The following JMJD1C variants were observed in gnomAD, a reference collection of about 807,000 sequenced individuals.
The protein encoded by JMJD1C is jumonji domain-containing protein 1C.
Under a neutral mutation model 245.3 loss-of-function variants are expected in JMJD1C, and 31 were observed. That is an observed-to-expected ratio of 0.13 (90% CI 0.09 to 0.17). JMJD1C has a LOEUF of 0.17. Ranked by LOEUF, JMJD1C falls within the 10% of genes least tolerant of loss-of-function variation. The pLI, the probability that JMJD1C is intolerant of heterozygous loss-of-function variation, is 1.00. For missense variants in JMJD1C, 2,691 were observed against 3,000.2 expected, an observed-to-expected ratio of 0.90 and a Z score of 2.41; for synonymous variants, 1,057 against 1,017.4, an observed-to-expected ratio of 1.04 and a Z score of -0.74.
At chr10:63,364,236 T>G (rs1025791262) in intron 2 of JMJD1C, among the ~76,000 whole-genome samples, 1 of 152,152 alleles carries the variant, frequency 6.6e-6, no homozygotes, top group Non-Finnish European at 1.5e-5. Flanking sequence ...CTTCAACTTC[T>G]GGGCTCAAGC....
intron 1 of JMJD1C, among the ~76,000 whole-genome samples, chr10:63,498,604 C>A (rs1294880675): frequency 6.6e-6 from 1 of 152,028 alleles, no homozygotes; most frequent in Non-Finnish European, 1.5e-5. Flanking sequence ...CGACCCTACA[C>A]CCCCTACCAA....
At chr10:63,335,465 A>G (rs1293437313) in intron 2 of JMJD1C, among the ~76,000 whole-genome samples, 1 of 152,198 alleles carries the variant, frequency 6.6e-6, no homozygotes, top group Non-Finnish European at 1.5e-5. Context: ...AATTCCCCTT[A>G]AAAGTTGGCA....
At chr10:63,305,459 CCTCT>C (rs371564275) in intron 2 of JMJD1C, among the ~76,000 whole-genome samples, 5,492 of 112,934 alleles carry the variant, frequency 0.049, 400 homozygotes, top group African/African-American at 0.15. Context: ...ACGCTCTGAC[CCTCT>C]CTCTCTCTCT....
rs1164500811 is a variant in JMJD1C, at chr10:63,397,376, G to A, written c.169-16894C>T. ...TTACAGGCATGTGCCACCACACCCGGCTTATTTTGTATTTTCAGTAGAGAC... is the reference window on the plus strand; with the variant it reads ...TTACAGGCATGTGCCACCACACCCGACTTATTTTGTATTTTCAGTAGAGAC... On this transcript the variant is annotated intron_variant, in intron 1 of 25. Coordinates refer to ENST00000399262, the MANE Select transcript of JMJD1C (RefSeq NM_032776.3). Among the ~76,000 whole-genome samples, 5 of 151,992 alleles carry A rather than the reference G, an allele frequency of 3.3e-5. No homozygotes were observed. The East Asian group carries it at 9.7e-4, about 29-fold the overall frequency.
intron 2 of JMJD1C, chr10:63,301,892 A>G (rs1478719790): frequency 7.3e-5 from 22 of 300,576 alleles, no homozygotes; most frequent in Non-Finnish European, 1.4e-4. Flanking sequence ...TCTGTCCTAC[A>G]CTTTAAAAAA....
chr10:63,492,422 T>C (rs1009004308), intron 1 of JMJD1C, among the ~76,000 whole-genome samples: 10 of 152,206 alleles, frequency 6.6e-5, no homozygotes, highest in African/African-American at 1.7e-4. Flanking sequence ...TCCCAGCACT[T>C]TGGGAGGCCA....
At chr10:63,187,591 C>A (rs532892887) in intron 18 of JMJD1C, among the ~76,000 whole-genome samples, 1 of 152,172 alleles carries the variant, frequency 6.6e-6, no homozygotes, top group East Asian at 1.9e-4. Context: ...GTGTGAACCA[C>A]CACGTCTGGC....
Position 63,465,531 on chromosome 10 carries a change from G to A in JMJD1C, c.132C>T (p.Ala44=), listed in dbSNP as rs1444319147. 3.7e-6 allele frequency: 6 copies of A among 1,604,638 alleles called. No homozygotes were observed. Among genetic ancestry groups the A allele is most frequent in the Non-Finnish European group, 5.1e-6 (6 of 1,178,278 alleles). Reference sequence around the variant, plus strand: ...GATTGCGGCTGTCCCTGTGTGACACGGCTCGGATGACCCCCGCTCGCCAGC... The same window carrying A: ...GATTGCGGCTGTCCCTGTGTGACACAGCTCGGATGACCCCCGCTCGCCAGC... ...WRSWRAGVIR[A]VSHRDSRNPD... Residue 44 remains alanine (A), a synonymous_variant, in exon 1 of 26, where the codon GCC becomes GCT. Coordinates refer to ENST00000399262, the MANE Select transcript of JMJD1C (RefSeq NM_032776.3).
At chr10:63,225,985 A>C (rs1407742619) in intron 3 of JMJD1C, among the ~76,000 whole-genome samples, 577 of 131,126 alleles carry the variant, frequency 4.4e-3, no homozygotes, top group African/African-American at 7.7e-3. Flanking sequence ...CTTCTCCCCC[A>C]CCCCCCCCTT....
chr10:63,465,536 G>A lies in JMJD1C; in HGVS notation c.127C>T (p.Arg43Ter), dbSNP rs776820860. 2 of 1,600,900 alleles carry A rather than the reference G, an allele frequency of 1.2e-6. No individual in the cohort carries two copies. The highest frequency in any genetic ancestry group is 1.7e-5 in the Admixed American group (1 of 58,600). ...GWRSWRAGVI[R>*]AVSHRDSRNP... ...CGGCTGTCCCTGTGTGACACGGCTC[G>A]GATGACCCCCGCTCGCCAGCTTCGC... Residue 43 changes from arginine to a stop codon, truncating the protein, a stop_gained, in exon 1 of 26, where the codon CGA (arginine) becomes TGA (stop). Coordinates refer to ENST00000399262, the MANE Select transcript of JMJD1C (RefSeq NM_032776.3). LOFTEE classifies it high-confidence loss of function.
chr10:63,305,683 T>TGTGTGTGTGTGTGTGTGTGTGTGTGTG (rs71025152), intron 2 of JMJD1C, among the ~76,000 whole-genome samples: 4 of 146,424 alleles, frequency 2.7e-5, no homozygotes, highest in Admixed American at 6.8e-5. Context: ...TGTGTGTGTG[T>TGTGTGTGTGTGTGTGTGTGTGTGTGTG]TGAAAGATCT....
chr10:63,505,766 C>G (rs1044625588), intron 1 of JMJD1C, among the ~76,000 whole-genome samples: 2 of 150,748 alleles, frequency 1.3e-5, no homozygotes, highest in African/African-American at 4.9e-5. Context: ...GTAAAACAAA[C>G]AGGGATGCAA....
At chr10:63,184,189 A>G (rs972877669) in intron 21 of JMJD1C, among the ~76,000 whole-genome samples, 3 of 151,582 alleles carry the variant, frequency 2.0e-5, no homozygotes, top group African/African-American at 7.3e-5. Flanking sequence ...TTGACCTCCC[A>G]AAGTGCTGGG....
chr10:63,312,312 T>C (rs1222373629), intron 2 of JMJD1C, among the ~76,000 whole-genome samples: 2 of 152,050 alleles, frequency 1.3e-5, no homozygotes, highest in Non-Finnish European at 2.9e-5. Context: ...TTCTCCATGT[T>C]GGTCAGCCTG....
intron 21 of JMJD1C, among the ~76,000 whole-genome samples, 156 bp downstream of exon 21, chr10:63,184,452 C>T (rs1165864893): frequency 2.0e-5 from 3 of 152,078 alleles, no homozygotes; most frequent in Non-Finnish European, 4.4e-5. Flanking sequence ...CCATGTTGAC[C>T]AGGATGGTCT....
intron 1 of JMJD1C, among the ~76,000 whole-genome samples, chr10:63,419,400 T>A (rs1222277790): frequency 6.6e-6 from 1 of 151,190 alleles, no homozygotes; most frequent in Non-Finnish European, 1.5e-5. Flanking sequence ...AAAAAATATA[T>A]ATATAGATAA....
chr10:63,276,044 C>G (rs1856738224), intron 2 of JMJD1C, among the ~76,000 whole-genome samples: 1 of 152,094 alleles, frequency 6.6e-6, no homozygotes, highest in Admixed American at 6.6e-5. Flanking sequence ...CTATGAACGT[C>G]TTCATGCTTT....
intron 1 of JMJD1C, among the ~76,000 whole-genome samples, chr10:63,477,096 A>C (rs1400613627): frequency 3.3e-5 from 5 of 152,206 alleles, no homozygotes; most frequent in East Asian, 1.9e-4. Context: ...AAGTGGAGAG[A>C]TATACCATGT....
At chr10:63,471,465 G>A (rs918538731) in intron 1 of JMJD1C, among the ~76,000 whole-genome samples, 1 of 152,160 alleles carries the variant, frequency 6.6e-6, no homozygotes, top group Non-Finnish European at 1.5e-5. Flanking sequence ...ATGCTTTCCT[G>A]TCACGTGGTA....
Sources: gnomAD v4.1 joint callset for allele counts (sites outside exome capture counted in the v4.1 genomes callset) on GRCh38, gnomAD v4.1.1 for gene constraint, MANE v1.5 for transcripts, NCBI Gene and HGNC (gene_info 2026-07-23, HGNC 2026-07-21) for gene names.